GALNT17: variants seen among roughly 807,000 people sequenced by gnomAD.
The protein encoded by GALNT17 is polypeptide N-acetylgalactosaminyltransferase 17, also known as UDP-GalNAc:polypeptide N-acetylgalactosaminyltransferase-like 3.
Under a neutral mutation model 63.7 loss-of-function variants are expected in GALNT17, and 29 were observed. The ratio of observed to expected loss-of-function variants is 0.46; its 90% confidence interval spans 0.34 to 0.62. The LOEUF (loss-of-function observed/expected upper bound fraction) is 0.62. GALNT17 is among the 20% of genes least tolerant of loss of function. GALNT17 has a pLI of 0.01. For synonymous variants in GALNT17, 305 were observed against 318.3 expected (o/e 0.96, Z 0.45); for missense variants, 603 against 799.6 (o/e 0.75, Z 2.97).
chr7:71,477,993 C>T (rs966016832), intron 5 of GALNT17, among the ~76,000 whole-genome samples: 1 of 152,186 alleles, frequency 6.6e-6, no homozygotes, highest in Non-Finnish European at 1.5e-5. Flanking sequence ...ATACAATTTA[C>T]TAAGGCATTT....
chr7:71,424,654 C>T (rs1400125434), intron 5 of GALNT17, among the ~76,000 whole-genome samples: 3 of 152,116 alleles, frequency 2.0e-5, no homozygotes, highest in South Asian at 2.1e-4. Context: ...TCTTAACTTA[C>T]GGAATGCTTA....
chr7:71,536,531 A>G (rs1289597613), intron 5 of GALNT17, among the ~76,000 whole-genome samples: 5 of 152,308 alleles, frequency 3.3e-5, no homozygotes, highest in East Asian at 3.9e-4. Context: ...CACTTCTTAC[A>G]TGGCGATGGC....
At chr7:71,208,081 A>G (rs1347163706) in intron 1 of GALNT17, among the ~76,000 whole-genome samples, 2 of 151,920 alleles carry the variant, frequency 1.3e-5, no homozygotes, top group African/African-American at 4.8e-5. Context: ...GGCTACAGTC[A>G]TGCCACAACC....
At chr7:71,602,049 G>C (rs1789974115) in intron 6 of GALNT17, among the ~76,000 whole-genome samples, 1 of 152,182 alleles carries the variant, frequency 6.6e-6, no homozygotes, top group Non-Finnish European at 1.5e-5. Context: ...CTTTGCCATG[G>C]CCTTTCACAC....
chr7:71,668,458 G>A (rs967780817), intron 7 of GALNT17, among the ~76,000 whole-genome samples: 1 of 119,132 alleles, frequency 8.4e-6, no homozygotes, highest in Non-Finnish European at 1.6e-5. Context: ...AGAGGTTGCG[G>A]TGAGCCAAGA....
intron 1 of GALNT17, among the ~76,000 whole-genome samples, chr7:71,308,372 A>T (rs1173123321): frequency 1.3e-5 from 2 of 152,118 alleles, no homozygotes; most frequent in Non-Finnish European, 2.9e-5. Flanking sequence ...ATTCCTTGGC[A>T]TTGCCTTTTA....
chr7:71,237,675 A>G (rs1466323825), intron 1 of GALNT17, among the ~76,000 whole-genome samples: 1 of 152,144 alleles, frequency 6.6e-6, no homozygotes, highest in Non-Finnish European at 1.5e-5. Context: ...ACAGAGTGAT[A>G]CCCTTTCTCA....
intron 3 of GALNT17, among the ~76,000 whole-genome samples, chr7:71,407,753 A>G (rs1793355055): frequency 6.6e-6 from 1 of 152,194 alleles, no homozygotes; most frequent in South Asian, 2.1e-4. Flanking sequence ...CTCTCAAAAC[A>G]AAACAAAATT....
intron 5 of GALNT17, among the ~76,000 whole-genome samples, chr7:71,446,401 G>A (rs1787161089): frequency 6.6e-6 from 1 of 152,004 alleles, no homozygotes; most frequent in Admixed American, 6.6e-5. Context: ...AATATTTCAT[G>A]AGTAGCTTTA....
chr7:71,466,630 A>G (rs1009192894), intron 5 of GALNT17, among the ~76,000 whole-genome samples: 55 of 152,220 alleles, frequency 3.6e-4, no homozygotes, highest in Middle Eastern at 3.4e-3. Context: ...TTTACCATCT[A>G]TTCTCTCTGA....
intron 1 of GALNT17, among the ~76,000 whole-genome samples, chr7:71,285,423 T>C (rs919160071): frequency 6.6e-6 from 1 of 152,272 alleles, no homozygotes; most frequent in Non-Finnish European, 1.5e-5. Context: ...TTGTAAAATC[T>C]GGACCAACCT....
chr7:71,587,553 A>G (rs539341842), intron 6 of GALNT17, among the ~76,000 whole-genome samples: 1 of 152,064 alleles, frequency 6.6e-6, no homozygotes, highest in South Asian at 2.1e-4. Context: ...ATATTTTTCT[A>G]CTGTCTGTGG....
At chr7:71,338,643 A>G (rs1791954896) in intron 2 of GALNT17, among the ~76,000 whole-genome samples, 1 of 152,202 alleles carries the variant, frequency 6.6e-6, no homozygotes, top group South Asian at 2.1e-4. Flanking sequence ...TAGTGTCAAG[A>G]TGCTGGAGAG....
rs551379343 is a variant in GALNT17 at position 71,512,274 on chromosome 7, G to A, written c.963-59011G>A. Among the ~76,000 whole-genome samples the A allele has an allele frequency of 1.2e-3, 180 of 152,168 alleles. 2 individuals are homozygous for A. The highest frequency in any genetic ancestry group is 4.1e-3 in the African/African-American group (171 of 41,508). ...CCCGCCTCACTCCTCCCAAAGTGCT[G>A]GGATTATAAGTATGAGCCACTGTGC... On this transcript the variant is annotated intron_variant, in intron 5 of 10. Transcript: ENST00000333538.
At chr7:71,709,034 G>GTCTT (rs1202542621) in intron 9 of GALNT17, among the ~76,000 whole-genome samples, 1 of 152,178 alleles carries the variant, frequency 6.6e-6, no homozygotes, top group African/African-American at 2.4e-5. Flanking sequence ...AAGTGCATGT[G>GTCTT]TCTTTTTGGT....
intron 2 of GALNT17, among the ~76,000 whole-genome samples, chr7:71,347,716 G>T (rs1208875517): frequency 6.6e-6 from 1 of 152,008 alleles, no homozygotes; most frequent in Non-Finnish European, 1.5e-5. Context: ...CCTTCATAAG[G>T]TTCTTCCCAG....
intron 6 of GALNT17, among the ~76,000 whole-genome samples, chr7:71,646,273 A>G (rs1790674424): frequency 6.6e-6 from 1 of 152,208 alleles, no homozygotes; most frequent in African/African-American, 2.4e-5. Flanking sequence ...TTTGCAGTTT[A>G]TGCAAAAAGA....
chr7:71,609,644 G>T (rs138900843), intron 6 of GALNT17, among the ~76,000 whole-genome samples: 1 of 152,168 alleles, frequency 6.6e-6, no homozygotes, highest in East Asian at 1.9e-4. Context: ...TGGAGAATAG[G>T]ATATCCACCC....
intron 5 of GALNT17, among the ~76,000 whole-genome samples, chr7:71,512,758 T>C (rs1267751345): frequency 6.6e-6 from 1 of 152,162 alleles, no homozygotes. Flanking sequence ...TCCCTCTCTC[T>C]GTTCTGACAA....
Sources: gnomAD v4.1 joint callset for allele counts (sites outside exome capture counted in the v4.1 genomes callset) on GRCh38, gnomAD v4.1.1 for gene constraint, MANE v1.5 for transcripts, NCBI Gene and HGNC (gene_info 2026-07-23, HGNC 2026-07-21) for gene names.